The following IL31RA variants were observed in gnomAD, a reference collection of about 807,000 sequenced individuals.
The protein encoded by IL31RA is interleukin 31 receptor A.
Under a neutral mutation model 83.7 loss-of-function variants are expected in IL31RA, and 66 were observed. The ratio of observed to expected loss-of-function variants is 0.79; its 90% CI spans 0.65 to 0.97. The LOEUF (loss-of-function observed/expected upper bound fraction) is 0.97, where lower values mean the gene tolerates loss of function less well. Among genes scored for constraint, IL31RA ranks in the 50% least tolerant of loss-of-function variants. The probability of loss-of-function intolerance (pLI) is 0.00; values close to 1 mark genes in which losing one functional copy is unlikely to be tolerated. For missense variants in IL31RA, 798 were observed against 919.4 expected (o/e 0.87, Z 1.71); for synonymous variants, 325 against 329.0 (o/e 0.99, Z 0.13).
chr5:55,909,957 G>A lies in IL31RA; in HGVS notation c.1502-575G>A, dbSNP rs1229100162. ...GACCTCGGGTGATCTGCCTGCCCCA[G>A]CTTCCCAAAGTGCTGGGATGACAGG... is the stretch of plus-strand genomic sequence containing the variant. On this transcript the variant is annotated intron_variant, in intron 11 of 14. Coordinates refer to ENST00000652347, the MANE Select transcript of IL31RA (RefSeq NM_139017.7). Among the ~76,000 whole-genome samples the A allele has an allele frequency of 3.3e-5, 5 of 152,338 alleles. No homozygotes were observed. The East Asian group carries it at 9.6e-4, about 29-fold the overall frequency.
chr5:55,907,829 A>G (rs1473426249), intron 10 of IL31RA, among the ~76,000 whole-genome samples: 3 of 152,226 alleles, frequency 2.0e-5, no homozygotes, highest in Non-Finnish European at 2.9e-5. Flanking sequence ...ATTTTTAATT[A>G]TGTAGCAATA....
chr5:55,907,193 C>T lies in IL31RA; in HGVS notation c.1253-166C>T, dbSNP rs1030795262. ...AATTAGTTAGAAAATCTGAGAAAAG[C>T]AATAGATATTAGAGACCATTCAACC... On this transcript the variant is annotated intron_variant, in intron 9 of 14. Transcript: ENST00000652347. Among the ~76,000 whole-genome samples the T allele has an allele frequency of 1.3e-5, 2 of 152,158 alleles. 1 individual carries two copies. Among genetic ancestry groups the T allele is most frequent in the Admixed American group, 1.3e-4 (2 of 15,276 alleles).
At chr5:55,881,924 G>A (rs934234776) in intron 4 of IL31RA, among the ~76,000 whole-genome samples, 6 of 151,806 alleles carry the variant, frequency 4.0e-5, no homozygotes, top group African/African-American at 1.5e-4. Flanking sequence ...TGTTGGCCAG[G>A]CTGGTCTTGA....
At chr5:55,852,456 G>C (rs565519899) in intron 1 of IL31RA, 3 of 152,258 alleles carry the variant, frequency 2.0e-5, no homozygotes, top group Non-Finnish European at 4.4e-5. Context: ...ACAGGCGTGA[G>C]CCACCACGCC....
In IL31RA at chr5:55,914,810, G is replaced by C. The variant is rs772802438; in HGVS notation, c.1737-37G>C. 4.8e-6 allele frequency: 7 copies of C among 1,448,136 alleles called. No homozygotes were observed. In the South Asian group the frequency reaches 8.0e-5, roughly 17 times the overall value. The allele number at this position is 1,448,136 out of a possible 1,614,324, so 89.7% of individuals were successfully genotyped here. ...AGCCATATGGTGCTAATGCTTCTTG[G>C]ATTCAATTCCCATCTTAAAATCTTC... On this transcript the variant is annotated intron_variant, in intron 13 of 14. Transcript: ENST00000652347.
intron 1 of IL31RA, 29 bp downstream of exon 1, chr5:55,851,662 A>T: frequency 1.1e-5 from 17 of 1,613,824 alleles, no homozygotes; most frequent in Non-Finnish European, 1.4e-5. Context: ...GGTTACAAAT[A>T]ATTCCTAGCA....
At chr5:55,886,118 A>G (rs1046431517) in intron 5 of IL31RA, among the ~76,000 whole-genome samples, 12 of 151,440 alleles carry the variant, frequency 7.9e-5, no homozygotes, top group Non-Finnish European at 1.8e-4. Flanking sequence ...TCTTTAACAA[A>G]CTCACCCACA....
chr5:55,841,981 T>C, the IL31RA span, among the ~76,000 whole-genome samples: 1 of 152,060 alleles, frequency 6.6e-6, no homozygotes, highest in African/African-American at 2.4e-5. Context: ...GGTCTTGCTA[T>C]GTTGCCCAAG....
In IL31RA at chr5:55,899,936, C is replaced by A; in HGVS notation, c.873C>A (p.Val291=). 1 of 1,614,086 alleles carries A rather than the reference C, an allele frequency of 6.2e-7. No individual in the cohort carries two copies. Among genetic ancestry groups the A allele is most frequent in the South Asian group, 1.1e-5 (1 of 91,070 alleles). The change falls in exon 8 of 15, where the codon GTC becomes GTA. Residue 291 remains valine, a synonymous_variant. Transcript: ENST00000652347. ...LLWKKARGAP[V]LEKTLGYNIW... ...TTCAGAAGGCAAGAGGAGCCCCAGT[C>A]CTAGAGAAAACACTTGGCTACAACA...
At position 55,890,117 on chromosome 5, in the gene IL31RA, G is replaced by T. The variant is rs1171421203; in HGVS notation, c.754G>T (p.Gly252Ter). The T allele has an allele frequency of 6.2e-7, 1 of 1,613,828 alleles. No individual in the cohort carries two copies. Among genetic ancestry groups the T allele is most frequent in the Non-Finnish European group, 8.5e-7 (1 of 1,179,810 alleles). The change falls in exon 6 of 15, where the codon GGA becomes TGA. Residue 252 changes from glycine to a stop codon, truncating the protein, a stop_gained. Transcript: ENST00000652347. LOFTEE classifies it high-confidence loss of function. ...FWSDWSQEKMGMTEEEAPCGL... is the reference protein window; with the variant it reads ...FWSDWSQEKM ...GAGTGACTGGAGCCAAGAAAAAATG[G>T]GAATGACTGAGGAAGAAGGCAAGCT...
intron 2 of IL31RA, among the ~76,000 whole-genome samples, chr5:55,867,092 T>C (rs1746105557): frequency 3.7e-5 from 3 of 81,364 alleles, no homozygotes; most frequent in Non-Finnish European, 9.3e-5. Context: ...TGTTTGTGTG[T>C]GTGTGTTTGT....
chr5:55,903,317 T>A lies in IL31RA; in HGVS notation c.1070-2789T>A, dbSNP rs1016387200. Among the ~76,000 whole-genome samples, 1 of 152,218 alleles carries A rather than the reference T, an allele frequency of 6.6e-6. No homozygotes were observed. The highest frequency in any genetic ancestry group is 1.5e-5 in the Non-Finnish European group (1 of 68,034). ...GCACGTGAGCCCCGGGTGACTGTCT[T>A]CATGCAGATCACAAGAAATCAATGG... On this transcript the variant is annotated intron_variant, in intron 8 of 14. Coordinates refer to ENST00000652347, the MANE Select transcript of IL31RA (RefSeq NM_139017.7). The surrounding 1 kb of genome is among the most constrained non-coding windows in gnomAD (Gnocchi z 4.7).
chr5:55,867,125 G>GTGTT (rs1746123055), intron 2 of IL31RA, among the ~76,000 whole-genome samples: 1 of 114,762 alleles, frequency 8.7e-6, no homozygotes, highest in African/African-American at 3.0e-5. Flanking sequence ...GTGTGTGTTT[G>GTGTT]TGTGTGTGTG....
intron 9 of IL31RA, 95 bp downstream of exon 9, chr5:55,906,383 G>A (rs1287677414): frequency 6.0e-6 from 7 of 1,168,890 alleles, no homozygotes; most frequent in Non-Finnish European, 8.8e-6. Context: ...AAAGCTGTTA[G>A]TGTGGTTAAT....
At chr5:55,874,478 A>G (rs1015094005) in intron 4 of IL31RA, among the ~76,000 whole-genome samples, 1 of 152,096 alleles carries the variant, frequency 6.6e-6, no homozygotes, top group African/African-American at 2.4e-5. Flanking sequence ...TGTCATCTTC[A>G]TAATAAACAA....
intron 1 of IL31RA, among the ~76,000 whole-genome samples, chr5:55,855,196 G>A (rs945477487): frequency 3.3e-5 from 5 of 152,154 alleles, no homozygotes; most frequent in Admixed American, 3.3e-4. Context: ...CCAGGCTGGA[G>A]TGCAGTGGTG....
chr5:55,908,081 C>T (rs1159317818), intron 10 of IL31RA, among the ~76,000 whole-genome samples, 184 bp from the exon 11 acceptor site: 1 of 152,184 alleles, frequency 6.6e-6, no homozygotes, highest in African/African-American at 2.4e-5. Context: ...TCTCTTCTTG[C>T]TTAAGAGAGA....
At chr5:55,912,824 G>T (rs1749575165) in intron 12 of IL31RA, among the ~76,000 whole-genome samples, 1 of 151,682 alleles carries the variant, frequency 6.6e-6, no homozygotes, top group Non-Finnish European at 1.5e-5. Flanking sequence ...AAAATTAGCT[G>T]GGCATGATGG....
At chr5:55,902,070 A>G (rs566097030) in intron 8 of IL31RA, among the ~76,000 whole-genome samples, 14 of 152,334 alleles carry the variant, frequency 9.2e-5, no homozygotes, top group African/African-American at 3.1e-4. Flanking sequence ...ATCATCAATT[A>G]TAAGGGTCCT....
Sources: gnomAD v4.1 joint callset for allele counts (sites outside exome capture counted in the v4.1 genomes callset) on GRCh38, gnomAD v4.1.1 for gene constraint, Gnocchi (gnomAD v3.1) non-coding constraint, MANE v1.5 for transcripts, NCBI Gene and HGNC (gene_info 2026-07-23, HGNC 2026-07-21) for gene names.